SCRN1: variants seen among roughly 807,000 people sequenced by gnomAD.
SCRN1 encodes secernin-1.
In SCRN1, 19 loss-of-function variants were observed where a neutral mutation model predicts 43.3. The ratio of observed to expected loss-of-function variants is 0.44; its 90% confidence interval spans 0.31 to 0.64. The LOEUF (loss-of-function observed/expected upper bound fraction) is 0.64. SCRN1 is among the 30% of genes least tolerant of loss of function. SCRN1 has a pLI of 0.09. For synonymous variants in SCRN1, 183 were observed against 188.9 expected (o/e 0.97, Z 0.26); for missense variants, 447 against 524.1 (o/e 0.85, Z 1.44).
At chr7:29,984,705 G>C (rs1377113961) in intron 1 of SCRN1, among the ~76,000 whole-genome samples, 1 of 151,494 alleles carries the variant, frequency 6.6e-6, no homozygotes, top group East Asian at 1.9e-4. Flanking sequence ...CCGAGGTCTT[G>C]AGGTCAGGAG....
chr7:29,983,627 G>A (rs1176442368), intron 1 of SCRN1, among the ~76,000 whole-genome samples: 6 of 152,070 alleles, frequency 3.9e-5, no homozygotes, highest in Non-Finnish European at 7.4e-5. Context: ...GAGAAAATCT[G>A]ACAAAAAATG....
chr7:29,933,361 T>C (rs1299292246), intron 6 of SCRN1, among the ~76,000 whole-genome samples: 3 of 151,876 alleles, frequency 2.0e-5, no homozygotes, highest in African/African-American at 7.3e-5. Context: ...AAATGTGGAG[T>C]TGGGAAGAGA....
intron 7 of SCRN1, among the ~76,000 whole-genome samples, chr7:29,924,814 C>G (rs2128085288): frequency 6.6e-6 from 1 of 152,326 alleles, no homozygotes; most frequent in South Asian, 2.1e-4. Context: ...ATGGGACTCA[C>G]TCATTTATGG....
At chr7:29,951,494 A>C (rs1278479968) in intron 3 of SCRN1, among the ~76,000 whole-genome samples, 1 of 152,208 alleles carries the variant, frequency 6.6e-6, no homozygotes, top group Non-Finnish European at 1.5e-5. Context: ...GCAACACCGT[A>C]AGGATCGTGT....
At chr7:29,943,232 C>T (rs1267610228) in intron 4 of SCRN1, among the ~76,000 whole-genome samples, 1 of 152,158 alleles carries the variant, frequency 6.6e-6, no homozygotes, top group Non-Finnish European at 1.5e-5. Flanking sequence ...AGGAGCTGCT[C>T]GGGCCAAAAT....
intron 6 of SCRN1, among the ~76,000 whole-genome samples, chr7:29,927,524 G>A (rs1787008601): frequency 1.3e-5 from 2 of 152,134 alleles, no homozygotes; most frequent in Admixed American, 1.3e-4. Context: ...TGGATCAGAG[G>A]GCTGCTCCTG....
At chr7:29,948,322 T>C (rs1172391817) in intron 3 of SCRN1, among the ~76,000 whole-genome samples, 3 of 152,222 alleles carry the variant, frequency 2.0e-5, no homozygotes, top group African/African-American at 7.2e-5. Context: ...GGAGGAGACC[T>C]ACTTCATTGG....
chr7:29,938,842 C>G (rs1787431790), intron 5 of SCRN1, among the ~76,000 whole-genome samples: 1 of 152,228 alleles, frequency 6.6e-6, no homozygotes, highest in Non-Finnish European at 1.5e-5. Flanking sequence ...TGATTTCCCA[C>G]TCCACACCTC....
At chr7:29,959,953 G>C (rs1032289359) in intron 2 of SCRN1, among the ~76,000 whole-genome samples, 7 of 148,820 alleles carry the variant, frequency 4.7e-5, no homozygotes, top group Non-Finnish European at 1.0e-4. Context: ...GAAAGAAAGT[G>C]GGGGGAGGGA....
intron 1 of SCRN1, among the ~76,000 whole-genome samples, chr7:29,976,900 A>G (rs1788853032): frequency 6.6e-6 from 1 of 152,200 alleles, no homozygotes; most frequent in Non-Finnish European, 1.5e-5. Flanking sequence ...TAACTAGGAG[A>G]CCACATACAG....
intron 1 of SCRN1, among the ~76,000 whole-genome samples, chr7:29,971,114 A>G (rs561489121): frequency 4.3e-4 from 65 of 152,194 alleles, no homozygotes; most frequent in Non-Finnish European, 8.4e-4. Context: ...TCTGAAATAT[A>G]AGTGAGAAGT....
In SCRN1 at chr7:29,923,762, G is replaced by A. The variant is rs945471277; in HGVS notation, c.*195C>T. 103 of 628,910 alleles carry A rather than the reference G, an allele frequency of 1.6e-4. 1 individual carries two copies. The African/African-American group carries it at 1.7e-3, about 10-fold the overall frequency. 39.0% of individuals were successfully genotyped at this position (628,910 alleles called of 1,614,324 possible). A position where few individuals can be genotyped will look rare whatever the true frequency, so the allele number is the denominator to read the frequency against. On this transcript the variant is annotated 3_prime_UTR_variant, in exon 8 of 8. Transcript: ENST00000242059. ...AACGGGATACATGTTACACTGCACA[G>A]GAAGGAGACCTACATTGCAGAAGGG...
intron 6 of SCRN1, among the ~76,000 whole-genome samples, chr7:29,932,651 C>CAAAAAAAAAAAAAAAAAAAAAAAAAA (rs1162835669): frequency 1.2e-4 from 1 of 8,024 alleles, no homozygotes; most frequent in Non-Finnish European, 2.9e-4. Context: ...GATTCCATCT[C>CAAAAAAAAAAAAAAAAAAAAAAAAAA]AAAAAAAAAA....
chr7:29,930,023 T>C (rs919601196), intron 6 of SCRN1, among the ~76,000 whole-genome samples: 21 of 152,186 alleles, frequency 1.4e-4, no homozygotes, highest in African/African-American at 5.1e-4. Flanking sequence ...AAAGAATACA[T>C]AATAAATATG....
intron 2 of SCRN1, among the ~76,000 whole-genome samples, chr7:29,968,321 C>T (rs1341346421): frequency 6.6e-6 from 1 of 151,858 alleles, no homozygotes; most frequent in African/African-American, 2.4e-5. Flanking sequence ...CCTGCATGTA[C>T]CGTAGGGAGT....
At chr7:29,927,623 A>G (rs576448834) in intron 6 of SCRN1, among the ~76,000 whole-genome samples, 9 of 151,870 alleles carry the variant, frequency 5.9e-5, no homozygotes, top group African/African-American at 1.9e-4. Flanking sequence ...GAGAGAAGGA[A>G]CTCCCCATAT....
intron 3 of SCRN1, among the ~76,000 whole-genome samples, chr7:29,949,441 T>C (rs1473751663): frequency 1.4e-5 from 2 of 143,080 alleles, no homozygotes; most frequent in African/African-American, 2.6e-5. Flanking sequence ...TGCAGTGGCA[T>C]GATCTCAGCT....
chr7:29,964,097 T>C (rs73305141), intron 2 of SCRN1, among the ~76,000 whole-genome samples: 9 of 152,326 alleles, frequency 5.9e-5, no homozygotes, highest in African/African-American at 2.2e-4. Flanking sequence ...CTTTTAAATA[T>C]CATTCAATCT....
intron 4 of SCRN1, 51 bp downstream of exon 4, chr7:29,943,926 C>T: frequency 6.5e-7 from 1 of 1,545,778 alleles, no homozygotes; most frequent in South Asian, 1.1e-5. Context: ...GCCACCCCAT[C>T]TCTGTGGCCT....
Sources: allele counts gnomAD v4.1 joint callset (sites outside exome capture counted in the v4.1 genomes callset), GRCh38; gene constraint gnomAD v4.1.1; transcripts MANE v1.5; gene names NCBI Gene and HGNC (gene_info 2026-07-23, HGNC 2026-07-21).